Variants in UBE2R2 observed in about 807,000 individuals in gnomAD.
UBE2R2 encodes the protein ubiquitin conjugating enzyme E2 R2, also known as ubiquitin-conjugating enzyme E2 R2.
UBE2R2 carries 1 observed loss-of-function variant against 27.8 expected under a neutral mutation model. The observed-to-expected ratio is 0.04, with a 90% confidence interval of 0.01 to 0.17. The LOEUF is 0.17. UBE2R2 is among the 10% of genes least tolerant of loss of function. The pLI is 1.00. For synonymous variants in UBE2R2, 106 were observed against 113.3 expected, an observed-to-expected ratio of 0.94 and a Z score of 0.41; for missense variants, 100 against 291.0, an observed-to-expected ratio of 0.34 and a Z score of 4.78.
chr9:33,825,432 G>A (rs991051427), intron 1 of UBE2R2, among the ~76,000 whole-genome samples: 2 of 151,792 alleles, frequency 1.3e-5, no homozygotes, highest in Admixed American at 6.6e-5. Flanking sequence ...GTAGAGATGG[G>A]GTTTCACCAT....
chr9:33,903,982 C>G (rs1252584945), intron 3 of UBE2R2, among the ~76,000 whole-genome samples: 1 of 152,132 alleles, frequency 6.6e-6, no homozygotes, highest in Non-Finnish European at 1.5e-5. Flanking sequence ...GGTAGTCCTT[C>G]AACATTTTGA....
chr9:33,891,844 T>C (rs1036564435), intron 2 of UBE2R2, among the ~76,000 whole-genome samples: 1 of 151,714 alleles, frequency 6.6e-6, no homozygotes, highest in Non-Finnish European at 1.5e-5. Flanking sequence ...GCACAGTGGC[T>C]TATGCCTATA....
In UBE2R2 at chr9:33,844,385, G is replaced by A. The variant is rs373574806; in HGVS notation, c.177+26451G>A. On this transcript the variant is annotated intron_variant, in intron 1 of 4. Coordinates refer to ENST00000263228, the MANE Select transcript of UBE2R2 (RefSeq NM_017811.4). ...ATGCCCAGCTGATTTTGTATTTTCA[G>A]TAGAGACAGGTCTTCACCATGTTGG... Among the ~76,000 whole-genome samples, 13 of 152,138 alleles carry A rather than the reference G, an allele frequency of 8.5e-5. 1 individual carries two copies. The East Asian group carries it at 1.4e-3, about 16-fold the overall frequency.
chr9:33,855,447 T>G (rs1471692436), intron 1 of UBE2R2, among the ~76,000 whole-genome samples: 1 of 152,232 alleles, frequency 6.6e-6, no homozygotes, highest in Non-Finnish European at 1.5e-5. Flanking sequence ...GAGTGATTAA[T>G]TATTTTGGTT....
At chr9:33,874,243 C>T (rs1193599971) in intron 1 of UBE2R2, among the ~76,000 whole-genome samples, 1 of 152,018 alleles carries the variant, frequency 6.6e-6, no homozygotes, top group Non-Finnish European at 1.5e-5. Flanking sequence ...CCACCGTGCC[C>T]AGCCTTAACT....
chr9:33,919,221 T>TGTAA lies in UBE2R2; in HGVS notation c.*1989_*1992dup, dbSNP rs1387874113. On this transcript the variant is annotated 3_prime_UTR_variant, in exon 5 of 5. Coordinates refer to ENST00000263228, the MANE Select transcript of UBE2R2 (RefSeq NM_017811.4). Reference sequence around the variant, plus strand: ...AACTACCTTTTTACTCCCCATACTTTGTAAGTAATGCTTCCAGATTAACCT... The same window carrying TGTAA: ...AACTACCTTTTTACTCCCCATACTTTGTAAGTAAGTAATGCTTCCAGATTAACCT... 1 of 152,236 alleles carries TGTAA rather than the reference T, an allele frequency of 6.6e-6. No individual in the cohort carries two copies. Among genetic ancestry groups the TGTAA allele is most frequent in the Admixed American group, 6.5e-5 (1 of 15,278 alleles). The allele number at this position is 152,236 out of a possible 1,614,324, so 9.4% of individuals were successfully genotyped here. A position where few individuals can be genotyped will look rare whatever the true frequency, so the allele number is the denominator to read the frequency against.
intron 1 of UBE2R2, among the ~76,000 whole-genome samples, chr9:33,863,885 A>G (rs1821303422): frequency 6.6e-6 from 1 of 151,998 alleles, no homozygotes; most frequent in South Asian, 2.1e-4. Flanking sequence ...ATGGGATTTC[A>G]TCATGGCTCA....
In UBE2R2 at chr9:33,888,736, C is replaced by T. The variant is rs185964563; in HGVS notation, c.264+1769C>T. Among the ~76,000 whole-genome samples the T allele has an allele frequency of 1.3e-3, 191 of 152,256 alleles. 1 individual carries two copies. The highest frequency in any genetic ancestry group is 4.4e-3 in the African/African-American group (184 of 41,556). Reference sequence around the variant, plus strand: ...TTCACCATGTCGGCCAGAGTGGCCTCGAACTTCTGACCCCAAGTAATCCAC... The same window carrying T: ...TTCACCATGTCGGCCAGAGTGGCCTTGAACTTCTGACCCCAAGTAATCCAC... On this transcript the variant is annotated intron_variant, in intron 2 of 4. Transcript: ENST00000263228.
Position 33,817,794 on chromosome 9 carries a change from C to T in UBE2R2, c.37C>T (p.Leu13=), listed in dbSNP as rs780901956. ...GCAGATGACCAGCTCGCAGAAGGCC[C>T]TGATGCTCGAGCTGAAATCCCTGCA... ...QQQMTSSQKA[L]MLELKSLQEE... is the part of the protein sequence containing the mutation. Residue 13 remains leucine (L), a synonymous_variant, in exon 1 of 5, where the codon CTG becomes TTG. Coordinates refer to ENST00000263228, the MANE Select transcript of UBE2R2 (RefSeq NM_017811.4). 26 of 1,609,072 alleles carry T rather than the reference C, an allele frequency of 1.6e-5. No homozygotes were observed. The highest frequency in any genetic ancestry group is 1.2e-4 in the African/African-American group (9 of 74,432).
intron 1 of UBE2R2, among the ~76,000 whole-genome samples, chr9:33,865,401 T>C (rs1284292611): frequency 6.6e-6 from 1 of 151,258 alleles, no homozygotes; most frequent in Non-Finnish European, 1.5e-5. Flanking sequence ...TTTCACCATA[T>C]TGGCCAGGCT....
At chr9:33,855,231 T>C (rs1821076039) in intron 1 of UBE2R2, among the ~76,000 whole-genome samples, 1 of 152,196 alleles carries the variant, frequency 6.6e-6, no homozygotes, top group Admixed American at 6.5e-5. Flanking sequence ...TATCAGATTG[T>C]TTCTTCAGCT....
upstream of UBE2R2, among the ~76,000 whole-genome samples, chr9:33,816,730 A>AG (rs1475733113): frequency 3.3e-5 from 5 of 152,138 alleles, no homozygotes; most frequent in East Asian, 9.6e-4. Flanking sequence ...TGTCACGGGG[A>AG]GGGGCCTGCA....
intron 1 of UBE2R2, among the ~76,000 whole-genome samples, chr9:33,854,345 G>A (rs993031780): frequency 3.3e-5 from 5 of 150,814 alleles, no homozygotes; most frequent in African/African-American, 7.3e-5. Context: ...TCGAGACGGC[G>A]TTTCACTCTT....
chr9:33,874,337 G>A (rs182806557), intron 1 of UBE2R2, among the ~76,000 whole-genome samples: 1,568 of 152,112 alleles, frequency 0.01, 11 homozygotes, highest in Non-Finnish European at 0.016. Context: ...CCATTGTATA[G>A]AAGATTCACA....
chr9:33,902,003 T>G, intron 3 of UBE2R2, among the ~76,000 whole-genome samples: 1 of 141,350 alleles, frequency 7.1e-6, no homozygotes, highest in Admixed American at 7.5e-5. Flanking sequence ...AGCCTCAACC[T>G]CCCGGGCTTG....
intron 1 of UBE2R2, among the ~76,000 whole-genome samples, chr9:33,883,304 T>C (rs1157027050): frequency 1.3e-5 from 2 of 152,178 alleles, no homozygotes; most frequent in Non-Finnish European, 2.9e-5. Flanking sequence ...TCAGATTCTA[T>C]AGGTTAAGGA....
intron 1 of UBE2R2, among the ~76,000 whole-genome samples, chr9:33,847,297 A>G (rs1195516365): frequency 6.6e-6 from 1 of 151,976 alleles, no homozygotes; most frequent in Non-Finnish European, 1.5e-5. Context: ...GGGTTTCAGC[A>G]TGTTGGCCAG....
At chr9:33,845,828 C>T (rs1397556324) in intron 1 of UBE2R2, among the ~76,000 whole-genome samples, 7 of 151,130 alleles carry the variant, frequency 4.6e-5, no homozygotes, top group Admixed American at 4.0e-4. Flanking sequence ...GCCAACATGG[C>T]GAAACTCTGT....
chr9:33,847,636 T>C (rs1233070804), intron 1 of UBE2R2, among the ~76,000 whole-genome samples: 4 of 152,136 alleles, frequency 2.6e-5, no homozygotes, highest in African/African-American at 9.7e-5. Flanking sequence ...CTCTCTCTTC[T>C]TCATTAACCT....
Sources: allele counts gnomAD v4.1 joint callset (sites outside exome capture counted in the v4.1 genomes callset), GRCh38; gene constraint gnomAD v4.1.1; transcripts MANE v1.5; gene names NCBI Gene and HGNC (gene_info 2026-07-23, HGNC 2026-07-21).